The following CUX1 variants were observed in gnomAD, a reference collection of about 807,000 sequenced individuals.
CUX1 encodes protein CASP.
CUX1 carries 31 observed loss-of-function variants against 158.8 expected under a neutral mutation model. That is an observed-to-expected ratio of 0.20 (90% CI 0.15 to 0.26). The LOEUF (loss-of-function observed/expected upper bound fraction) is 0.26, where lower values mean the gene tolerates loss of function less well. CUX1 is among the 10% of genes least tolerant of loss of function. The probability of loss-of-function intolerance (pLI) is 1.00; values close to 1 mark genes in which losing one functional copy is unlikely to be tolerated. For synonymous variants in CUX1, 879 were observed against 862.1 expected, an observed-to-expected ratio of 1.02 and a Z score of -0.34; for missense variants, 1,589 against 2,014.6, an observed-to-expected ratio of 0.79 and a Z score of 4.04.
chr7:102,009,556 G>T (rs559508109), intron 2 of CUX1, among the ~76,000 whole-genome samples: 1 of 152,228 alleles, frequency 6.6e-6, no homozygotes, highest in Non-Finnish European at 1.5e-5. Flanking sequence ...GCCTCCCAAA[G>T]TGTTGAGATT....
intron 2 of CUX1, among the ~76,000 whole-genome samples, chr7:101,958,469 ATTT>A (rs1213189766): frequency 8.0e-6 from 1 of 125,574 alleles, no homozygotes; most frequent in Admixed American, 8.8e-5. Context: ...TGGTCCTGAG[ATTT>A]TCTTTTCTTT....
chr7:102,024,969 G>A (rs528871589), intron 2 of CUX1, among the ~76,000 whole-genome samples: 1 of 152,292 alleles, frequency 6.6e-6, no homozygotes, highest in Non-Finnish European at 1.5e-5. Flanking sequence ...TCCCCAGGCT[G>A]GAATCAAGGT....
intron 2 of CUX1, among the ~76,000 whole-genome samples, chr7:102,023,804 GT>G (rs1374857960): frequency 6.6e-6 from 1 of 152,214 alleles, no homozygotes; most frequent in Non-Finnish European, 1.5e-5. Flanking sequence ...GTGTGAGTAT[GT>G]AGTGGTTTTT....
chr7:101,954,897 C>G (rs1809567878), intron 2 of CUX1, among the ~76,000 whole-genome samples: 1 of 152,032 alleles, frequency 6.6e-6, no homozygotes, highest in South Asian at 2.1e-4. Flanking sequence ...TCAGGCCAGG[C>G]ATGGTGGCTC....
At chr7:101,874,873 G>A (rs984780878) in intron 1 of CUX1, among the ~76,000 whole-genome samples, 2 of 152,188 alleles carry the variant, frequency 1.3e-5, no homozygotes, top group Non-Finnish European at 1.5e-5. Flanking sequence ...GTTTCAGAGC[G>A]TTTGCATCAC....
chr7:102,192,229 C>A (rs1794356509), intron 12 of CUX1, among the ~76,000 whole-genome samples: 1 of 152,198 alleles, frequency 6.6e-6, no homozygotes, highest in Non-Finnish European at 1.5e-5. Context: ...CACCCTGTCC[C>A]TTCAGGGCCC....
At chr7:102,208,077 A>G (rs1173601579) in intron 20 of CUX1, among the ~76,000 whole-genome samples, 1 of 152,110 alleles carries the variant, frequency 6.6e-6, no homozygotes, top group Admixed American at 6.5e-5. Context: ...AGTTCCAGCT[A>G]CTTGGGGGAC....
intron 8 of CUX1, among the ~76,000 whole-genome samples, chr7:102,116,110 A>G (rs1345346730): frequency 6.6e-6 from 1 of 152,198 alleles, no homozygotes; most frequent in Admixed American, 6.5e-5. Context: ...ATCGGCAAGA[A>G]GACGGGTACT....
intron 8 of CUX1, among the ~76,000 whole-genome samples, chr7:102,123,821 C>G (rs552144141): frequency 2.6e-5 from 4 of 152,042 alleles, no homozygotes; most frequent in African/African-American, 9.6e-5. Flanking sequence ...TACCACCACA[C>G]CTGGCTAATT....
At position 101,817,664 on chromosome 7, in the gene CUX1, T is replaced by A; in HGVS notation, c.25T>A (p.Leu9Met). ...GATGTTGTGCGTAGCCGGAGCCAGG[T>A]TGAAGGTGAGCGGCGTGTGGGCCAG... MLCVAGAR[L>M]KRELDATATV... The change falls in exon 1 of 24, where the codon TTG becomes ATG. Residue 9 changes from leucine to methionine, a missense_variant. Leu to Met is a conservative substitution (Grantham distance 15, BLOSUM62 2). Transcript: ENST00000292535. The surrounding 1 kb of genome is among the most constrained non-coding windows in gnomAD (Gnocchi z 4.1). 1 of 1,552,016 alleles carries A rather than the reference T, an allele frequency of 6.4e-7. No individual in the cohort carries two copies. The highest frequency in any genetic ancestry group is 8.7e-7 in the Non-Finnish European group (1 of 1,147,678).
chr7:102,170,320 A>G (rs1466552639), intron 9 of CUX1, 126 bp from the exon 10 acceptor site: 1 of 654,520 alleles, frequency 1.5e-6, no homozygotes, highest in East Asian at 2.8e-5. Flanking sequence ...CCTAGCATTT[A>G]TTAGGTTGAG....
At chr7:102,202,461 C>A (rs555472799) in intron 18 of CUX1, among the ~76,000 whole-genome samples, 1 of 152,124 alleles carries the variant, frequency 6.6e-6, no homozygotes, top group Non-Finnish European at 1.5e-5. Context: ...CCTCACTTGG[C>A]GCTGGGAAGT....
intron 2 of CUX1, among the ~76,000 whole-genome samples, chr7:101,949,798 C>T (rs1356734064): frequency 1.3e-5 from 2 of 151,476 alleles, no homozygotes; most frequent in Non-Finnish European, 2.9e-5. Context: ...TCCCAAAGTG[C>T]TGGGATTACA....
rs1745557796 is a variant in CUX1, at chr7:102,253,542, C to G, written c.*4500C>G. 1 of 985,344 alleles carries G rather than the reference C, an allele frequency of 1.0e-6. No homozygotes were observed. The highest frequency in any genetic ancestry group is 1.2e-6 in the Non-Finnish European group (1 of 829,936). 61.0% of individuals were successfully genotyped at this position (985,344 alleles called of 1,614,324 possible). On this transcript the variant is annotated 3_prime_UTR_variant, in exon 24 of 24. Transcript: ENST00000292535. ...GTGATCAATGAACTCTGTTGACATT[C>G]TATGCAATGTTTTTCATTCCTCTGA...
intron 23 of CUX1, among the ~76,000 whole-genome samples, chr7:102,242,830 G>A (rs1186593948): frequency 5.3e-5 from 8 of 152,264 alleles, no homozygotes; most frequent in Non-Finnish European, 8.8e-5. Flanking sequence ...AGTCATACCC[G>A]TCACACTGTA....
chr7:102,119,680 T>C (rs1386782984), intron 8 of CUX1, among the ~76,000 whole-genome samples: 1 of 152,202 alleles, frequency 6.6e-6, no homozygotes, highest in Non-Finnish European at 1.5e-5. Context: ...CATTTCTGGG[T>C]TAAATAAATG....
chr7:102,145,418 T>C (rs1332186302), intron 8 of CUX1, among the ~76,000 whole-genome samples: 2 of 151,838 alleles, frequency 1.3e-5, no homozygotes, highest in African/African-American at 4.8e-5. Flanking sequence ...TGGGTGATTG[T>C]GATGATCTCG....
intron 2 of CUX1, chr7:101,960,217 C>T (rs1039045399): frequency 6.6e-6 from 1 of 152,162 alleles, no homozygotes; most frequent in East Asian, 1.9e-4. Flanking sequence ...TTGTCTTGCC[C>T]GCTTCAGGTT....
rs782620018 is a variant in CUX1 at position 102,274,310 on chromosome 7, G to T, written c.1450G>T (p.Gly484Ter). 1 of 1,613,086 alleles carries T rather than the reference G, an allele frequency of 6.2e-7. No homozygotes were observed. The highest frequency in any genetic ancestry group is 1.3e-5 in the African/African-American group (1 of 75,052). ...CAAAGAGGCCACTGCCCTATTCTAC[G>T]GTAAGGAGAGGCCTGACCCATGGGA... The change falls in exon 16 of 23, where the codon GGA (glycine) becomes TGA (stop). Residue 484 changes from glycine to a stop codon, truncating the protein, a stop_gained and splice_region_variant. Transcript: ENST00000292538. LOFTEE classifies it high-confidence loss of function.
Sources: gnomAD v4.1 joint callset for allele counts (sites outside exome capture counted in the v4.1 genomes callset) on GRCh38, gnomAD v4.1.1 for gene constraint, Gnocchi (gnomAD v3.1) non-coding constraint, MANE v1.5 for transcripts, NCBI Gene and HGNC (gene_info 2026-07-23, HGNC 2026-07-21) for gene names.